Variants in DOCK4 observed in about 807,000 individuals in gnomAD.
DOCK4 encodes dedicator of cytokinesis protein 4.
DOCK4 carries 97 observed loss-of-function variants against 268.1 expected under a neutral mutation model. That is an observed-to-expected ratio of 0.36 (90% CI 0.31 to 0.43). The LOEUF is 0.43. Ranked by LOEUF, DOCK4 falls within the 20% of genes least tolerant of loss-of-function variation. DOCK4 has a pLI of 1.00. For missense variants in DOCK4, 2,145 were observed against 2,455.7 expected (o/e 0.87, Z 2.67); for synonymous variants, 954 against 887.2 (o/e 1.08, Z -1.34).
intron 26 of DOCK4, among the ~76,000 whole-genome samples, chr7:111,832,654 A>G (rs1437146743): frequency 6.6e-6 from 1 of 151,970 alleles, no homozygotes; most frequent in African/African-American, 2.4e-5. Context: ...CAGCCTCCCA[A>G]ATAGCTGGGA....
At chr7:111,887,815 G>A (rs894525882) in intron 16 of DOCK4, among the ~76,000 whole-genome samples, 6 of 151,766 alleles carry the variant, frequency 4.0e-5, no homozygotes, top group African/African-American at 1.2e-4. Context: ...AATACTGCTG[G>A]AAGAGATGCA....
At chr7:111,754,209 T>C (rs1179559375) in intron 42 of DOCK4, among the ~76,000 whole-genome samples, 1 of 152,226 alleles carries the variant, frequency 6.6e-6, no homozygotes, top group African/African-American at 2.4e-5. Flanking sequence ...GGGCACAACA[T>C]GTAAGCAGCC....
Position 112,206,109 on chromosome 7 carries a change from G to A in DOCK4, c.30C>T (p.Tyr10=). ...CGCCCCGCGGAGACTCACCCACGCC[G>A]TATTTCTCGTGCTCCGTAGGTATCC... MWIPTEHEK[Y]GVVIASFRGT... The change falls in exon 1 of 53, where the codon TAC becomes TAT. Residue 10 remains tyrosine (Y), a synonymous_variant. Transcript: ENST00000428084. 1 of 1,585,280 alleles carries A rather than the reference G, an allele frequency of 6.3e-7. No individual in the cohort carries two copies. Among genetic ancestry groups the A allele is most frequent in the South Asian group, 1.2e-5 (1 of 86,956 alleles).
intron 23 of DOCK4, among the ~76,000 whole-genome samples, chr7:111,861,321 T>A (rs986222944): frequency 4.0e-5 from 6 of 151,786 alleles, no homozygotes; most frequent in Non-Finnish European, 7.4e-5. Context: ...GAAAAAAAAA[T>A]AAGAAATATC....
intron 1 of DOCK4, among the ~76,000 whole-genome samples, chr7:112,177,139 A>G (rs1818606572): frequency 6.6e-6 from 1 of 152,218 alleles, no homozygotes; most frequent in Non-Finnish European, 1.5e-5. Flanking sequence ...TGATCCTCGC[A>G]GAGTGGTGCC....
intron 13 of DOCK4, among the ~76,000 whole-genome samples, chr7:111,912,504 A>G (rs1341170200): frequency 2.0e-5 from 3 of 152,234 alleles, no homozygotes; most frequent in African/African-American, 7.2e-5. Context: ...CTTGATTTGT[A>G]AAAACAAGAG....
At chr7:111,991,527 T>C (rs369701591) in intron 5 of DOCK4, among the ~76,000 whole-genome samples, 5 of 152,136 alleles carry the variant, frequency 3.3e-5, no homozygotes, top group African/African-American at 1.2e-4. Flanking sequence ...ATTGAGAGTA[T>C]TTTAGTGTTT....
intron 39 of DOCK4, among the ~76,000 whole-genome samples, chr7:111,762,925 C>A (rs1797544430): frequency 6.6e-6 from 1 of 151,542 alleles, no homozygotes; most frequent in South Asian, 2.1e-4. Flanking sequence ...CGCCACCGAA[C>A]CTGGCAATTT....
At chr7:111,940,871 G>A (rs1302766133) in intron 10 of DOCK4, among the ~76,000 whole-genome samples, 6 of 152,064 alleles carry the variant, frequency 3.9e-5, no homozygotes. Flanking sequence ...GGATTATTTT[G>A]AAGACAAAAA....
intron 26 of DOCK4, among the ~76,000 whole-genome samples, chr7:111,829,864 A>G (rs1015458735): frequency 2.0e-5 from 3 of 152,172 alleles, no homozygotes; most frequent in African/African-American, 7.2e-5. Flanking sequence ...GCAAAACCTG[A>G]CCAGAATGAT....
rs181713465 is a variant in DOCK4, at chr7:112,144,888, G to A, written c.37+61214C>T. Among the ~76,000 whole-genome samples the A allele has an allele frequency of 5.3e-5, 8 of 152,172 alleles. No individual in the cohort carries two copies. In the East Asian group the frequency reaches 1.5e-3, roughly 29 times the overall value. On this transcript the variant is annotated intron_variant, in intron 1 of 52. Coordinates refer to ENST00000428084, the MANE Select transcript of DOCK4 (RefSeq NM_001363540.2). ...AAGCGAGCAGAGAGGTGTGATAAGA[G>A]GAATCTCATCCCAGAATATGCCTGG...
At chr7:112,115,729 T>C (rs747672332) in intron 1 of DOCK4, among the ~76,000 whole-genome samples, 2 of 152,182 alleles carry the variant, frequency 1.3e-5, no homozygotes, top group Non-Finnish European at 2.9e-5. Flanking sequence ...TTGCCCAGGC[T>C]GGAGTGCAGT....
At chr7:111,756,620 G>A (rs2133559492) in intron 41 of DOCK4, among the ~76,000 whole-genome samples, 1 of 152,224 alleles carries the variant, frequency 6.6e-6, no homozygotes, top group East Asian at 1.9e-4. Flanking sequence ...ATGAGCTGCT[G>A]TTGATGACAC....
intron 38 of DOCK4, among the ~76,000 whole-genome samples, chr7:111,765,815 A>G (rs1158694983): frequency 6.6e-6 from 1 of 152,204 alleles, no homozygotes; most frequent in Non-Finnish European, 1.5e-5. Flanking sequence ...GCGCCTGACA[A>G]TGTTGAAACT....
At chr7:112,023,414 G>C in intron 1 of DOCK4, 1 of 285,070 alleles carries the variant, frequency 3.5e-6, no homozygotes, top group South Asian at 3.4e-5. Flanking sequence ...TCCTATTCAA[G>C]TTGTAAAGAG....
intron 36 of DOCK4, among the ~76,000 whole-genome samples, chr7:111,773,172 GA>G (rs1250022721): frequency 2.0e-5 from 3 of 152,200 alleles, no homozygotes; most frequent in African/African-American, 7.2e-5. Flanking sequence ...AGAAATAAGA[GA>G]GAAGAGTAGA....
intron 1 of DOCK4, among the ~76,000 whole-genome samples, chr7:112,068,587 A>C (rs971163135): frequency 6.6e-6 from 1 of 152,240 alleles, no homozygotes; most frequent in East Asian, 1.9e-4. Flanking sequence ...TTGCAAATGC[A>C]TATAAATTAT....
intron 51 of DOCK4, among the ~76,000 whole-genome samples, chr7:111,734,491 T>A (rs1303475138): frequency 6.6e-6 from 1 of 152,166 alleles, no homozygotes; most frequent in African/African-American, 2.4e-5. Flanking sequence ...CTGGCCAAGA[T>A]TTTGCTGCTT....
intron 1 of DOCK4, among the ~76,000 whole-genome samples, chr7:112,027,488 G>C (rs555649339): frequency 1.4e-4 from 22 of 152,308 alleles, no homozygotes; most frequent in African/African-American, 5.3e-4. Flanking sequence ...GCCTCCCAAA[G>C]TGCTGGGATT....
Sources: gnomAD v4.1 joint callset for allele counts (sites outside exome capture counted in the v4.1 genomes callset) on GRCh38, gnomAD v4.1.1 for gene constraint, MANE v1.5 for transcripts, NCBI Gene and HGNC (gene_info 2026-07-23, HGNC 2026-07-21) for gene names.